The following PAPLN variants were observed in gnomAD, a reference collection of about 807,000 sequenced individuals.
PAPLN encodes papilin.
Under a neutral mutation model 159.0 loss-of-function variants are expected in PAPLN, and 146 were observed. The ratio of observed to expected loss-of-function variants is 0.92; its 90% CI spans 0.80 to 1.05. The LOEUF is 1.05. Ranked by LOEUF, PAPLN falls within the 50% of genes least tolerant of loss-of-function variation. The pLI is 0.00. For missense variants in PAPLN, 1,720 were observed against 1,743.9 expected, an observed-to-expected ratio of 0.99 and a Z score of 0.24; for synonymous variants, 734 against 702.9, an observed-to-expected ratio of 1.04 and a Z score of -0.70.
intron 25 of PAPLN, among the ~76,000 whole-genome samples, chr14:73,267,067 G>A (rs997260650): frequency 6.6e-6 from 1 of 152,190 alleles, no homozygotes; most frequent in Non-Finnish European, 1.5e-5. Flanking sequence ...ACTGCTGACA[G>A]TTTGGAGCTG....
chr14:73,244,601 G>A, intron 2 of PAPLN, 43 bp from the exon 3 acceptor site: 1 of 1,496,762 alleles, frequency 6.7e-7, no homozygotes, highest in South Asian at 1.2e-5. Context: ...CTGGGCTCAG[G>A]CTGTGAGTGG....
chr14:73,264,336 G>A lies in PAPLN; in HGVS notation c.2986+1G>A. 9 of 1,612,926 alleles carry A rather than the reference G, an allele frequency of 5.6e-6. No homozygotes were observed. Among genetic ancestry groups the A allele is most frequent in the Non-Finnish European group, 7.6e-6 (9 of 1,179,404 alleles). ...CAGAAGATCCAACTTCGCATCATAG[G>A]TCTCTGTCCCCACCCCATCCACCAG... On this transcript the variant is annotated splice_donor_variant, in intron 21 of 26. Coordinates refer to ENST00000644200, the MANE Select transcript of PAPLN (RefSeq NM_001365906.3). LOFTEE classifies it high-confidence loss of function.
At chr14:73,255,388 CT>C (rs1885789873) in intron 14 of PAPLN, among the ~76,000 whole-genome samples, 1 of 152,190 alleles carries the variant, frequency 6.6e-6, no homozygotes, top group Non-Finnish European at 1.5e-5. Flanking sequence ...CCATATTCCT[CT>C]TTATACCCCC....
chr14:73,254,819 G>C, intron 13 of PAPLN, 58 bp from the exon 14 acceptor site: 1 of 1,600,576 alleles, frequency 6.2e-7, no homozygotes, highest in South Asian at 1.1e-5. Context: ...TCTCCATGTG[G>C]GTCCCCGCCC....
In PAPLN at chr14:73,272,542, C is replaced by G; in HGVS notation, c.3715C>G (p.Pro1239Ala). Residue 1239 changes from proline to alanine, a missense_variant, in exon 27 of 27, where the codon CCA becomes GCA. Coordinates refer to ENST00000644200, the MANE Select transcript of PAPLN (RefSeq NM_001365906.3). Reference protein sequence around the residue: ...RDPGRDCVDQPELANCDLILQ... With the variant: ...RDPGRDCVDQAELANCDLILQ... ...CCCTGGCAGGGACTGCGTCGACCAG[C>G]CAGAGCTGGCCAACTGTGATTTGAT... 1 of 1,593,804 alleles carries G rather than the reference C, an allele frequency of 6.3e-7. No individual in the cohort carries two copies. Among genetic ancestry groups the G allele is most frequent in the East Asian group, 2.3e-5 (1 of 44,320 alleles).
intron 7 of PAPLN, 150 bp from the exon 8 acceptor site, chr14:73,251,336 A>AG: frequency 1.1e-6 from 1 of 925,270 alleles, no homozygotes; most frequent in East Asian, 2.6e-5. Flanking sequence ...CTCTTCTGCC[A>AG]GGGTTGCCTT....
In PAPLN at chr14:73,262,778, G is replaced by C. The variant is rs1886733455; in HGVS notation, c.2674G>C (p.Gly892Arg). 10 of 1,503,928 alleles carry C rather than the reference G, an allele frequency of 6.6e-6. No individual in the cohort carries two copies. In the East Asian group the frequency reaches 2.3e-4, roughly 35 times the overall value. The allele number at this position is 1,503,928 out of a possible 1,614,324, so 93.2% of individuals were successfully genotyped here. A position where few individuals can be genotyped will look rare whatever the true frequency, so the allele number is the denominator to read the frequency against. ...QELGSRAPGL[G>R]GDAGSPAPPF... ...GCTTGGGTCCAGGGCCCCTGGACTG[G>C]GTGGAGATGCCGGATCACCAGCGCC... The change falls in exon 19 of 27, where the codon GGT becomes CGT. Residue 892 changes from glycine (G) to arginine (R), a missense_variant. Coordinates refer to ENST00000644200, the MANE Select transcript of PAPLN (RefSeq NM_001365906.3).
intron 5 of PAPLN, among the ~76,000 whole-genome samples, chr14:73,247,719 T>C (rs1884612586): frequency 1.5e-5 from 2 of 134,954 alleles, no homozygotes; most frequent in Non-Finnish European, 1.6e-5. Flanking sequence ...CCAGTGGGAG[T>C]CTCATGTCCT....
At chr14:73,269,880 T>C (rs926836978) in intron 26 of PAPLN, among the ~76,000 whole-genome samples, 1 of 152,194 alleles carries the variant, frequency 6.6e-6, no homozygotes, top group African/African-American at 2.4e-5. Context: ...GGCTGCTTCC[T>C]GGCTGCCAGG....
rs758492019 is a variant in PAPLN at position 73,254,596 on chromosome 14, G to A, written c.1386G>A (p.Ala462=). 1.2e-5 allele frequency: 19 copies of A among 1,613,916 alleles called. No individual in the cohort carries two copies. The highest frequency in any genetic ancestry group is 6.7e-5 in the East Asian group (3 of 44,902). The change falls in exon 13 of 27, where the codon GCG becomes GCA. Residue 462 remains alanine, a synonymous_variant. Coordinates refer to ENST00000644200, the MANE Select transcript of PAPLN (RefSeq NM_001365906.3). ...GGGGTTCTTTGCTCCATACCGCAGCGTGCTCCTTGGAAGACCGGCCACCTC... is the reference window on the plus strand; with the variant it reads ...GGGGTTCTTTGCTCCATACCGCAGCATGCTCCTTGGAAGACCGGCCACCTC... The part of the protein sequence containing the change: ...GERGSLLHTA[A]CSLEDRPPLT...
rs752139077 is a variant in PAPLN, at chr14:73,268,728, G to T, written c.3667+5G>T. ...AGGTGAAGGTGGTCTCACCAGGTAGGAAAGGTCTATATCCGGGGATGGGAA... is the reference window on the plus strand; with the variant it reads ...AGGTGAAGGTGGTCTCACCAGGTAGTAAAGGTCTATATCCGGGGATGGGAA... On this transcript the variant is annotated splice_donor_5th_base_variant and intron_variant, in intron 26 of 26. Transcript: ENST00000644200. The T allele has an allele frequency of 6.2e-7, 1 of 1,607,288 alleles. No individual in the cohort carries two copies. Among genetic ancestry groups the T allele is most frequent in the Non-Finnish European group, 8.5e-7 (1 of 1,176,668 alleles).
intron 5 of PAPLN, chr14:73,249,740 T>C (rs1013017426): frequency 8.2e-6 from 2 of 242,762 alleles, no homozygotes; most frequent in Non-Finnish European, 1.6e-5. Context: ...AATGCTGAGG[T>C]AGACTTCTTT....
chr14:73,259,043 G>A lies in PAPLN; in HGVS notation c.1692G>A (p.Gln564=), dbSNP rs1321966073. The change falls in exon 15 of 27, where the codon CAG becomes CAA. Residue 564 remains glutamine (Q), a synonymous_variant. Transcript: ENST00000644200. ...ACCCCTGGATGCCGTTGGGCCCTCA[G>A]GAGTCCCCTGCCTCAGGTGAGAGCC... The part of the protein sequence containing the change: ...ASNPWMPLGP[Q]ESPASDSRGQ... 1 of 1,611,568 alleles carries A rather than the reference G, an allele frequency of 6.2e-7. No homozygotes were observed. Among genetic ancestry groups the A allele is most frequent in the Admixed American group, 1.7e-5 (1 of 59,654 alleles).
chr14:73,260,587 CTCT>C (rs201361173), intron 16 of PAPLN, 119 bp from the exon 17 acceptor site: 21 of 1,256,136 alleles, frequency 1.7e-5, no homozygotes, highest in Admixed American at 1.6e-4. Context: ...GGGACACGTC[CTCT>C]CCCCCCCAGG....
At chr14:73,244,900 G>A in intron 3 of PAPLN, 141 bp downstream of exon 3, 1 of 641,878 alleles carries the variant, frequency 1.6e-6, no homozygotes, top group Non-Finnish European at 2.6e-6. Flanking sequence ...CATTCTGGAA[G>A]CAGCATCAGT....
chr14:73,251,174 A>G, intron 7 of PAPLN, 144 bp downstream of exon 7: 1 of 1,401,188 alleles, frequency 7.1e-7, no homozygotes, highest in Non-Finnish European at 9.6e-7. Context: ...CACATCTGAA[A>G]GGCCCCCTGT....
intron 13 of PAPLN, 86 bp from the exon 14 acceptor site, chr14:73,254,791 G>A (rs1885707742): frequency 6.3e-7 from 1 of 1,591,244 alleles, no homozygotes; most frequent in Non-Finnish European, 8.6e-7. Flanking sequence ...CGCGCCACTG[G>A]GCACCTTCCC....
Position 73,245,006 on chromosome 14 carries a change from C to T in PAPLN, c.170+247C>T, listed in dbSNP as rs755734834. On this transcript the variant is annotated intron_variant, in intron 3 of 26. Coordinates refer to ENST00000644200, the MANE Select transcript of PAPLN (RefSeq NM_001365906.3). This position sits in a 1 kb window ranked among gnomAD's most constrained non-coding sequence, Gnocchi z 4.2. The stretch of plus-strand genomic sequence containing the variant: ...CCCTGGTCTCCAGCTCCTGATGCTG[C>T]ACCGGCCTGCAGTATGGCAGGTGCA... The T allele has an allele frequency of 9.9e-6, 4 of 405,208 alleles. No homozygotes were observed. The highest frequency in any genetic ancestry group is 1.3e-5 in the Non-Finnish European group (3 of 224,596). The allele number at this position is 405,208 out of a possible 1,614,324, so 25.1% of individuals were successfully genotyped here.
In PAPLN at chr14:73,262,578, C is replaced by G; in HGVS notation, c.2474C>G (p.Thr825Arg). The stretch of plus-strand genomic sequence containing the variant: ...GGGGCTTCTGGAAGGAGCACCCACA[C>G]GGATGGTGGCGGCAGCAGTCCTGCA... ...QPGASGRSTH[T>R]DGGGSSPAGE... is the part of the protein sequence containing the mutation. The change falls in exon 19 of 27, where the codon ACG (threonine) becomes AGG (arginine). Residue 825 changes from threonine (T) to arginine (R), a missense_variant. By Grantham distance (71) the Thr-to-Arg change is moderately conservative. Transcript: ENST00000644200. The G allele has an allele frequency of 1.9e-6, 3 of 1,562,440 alleles. No homozygotes were observed. Among genetic ancestry groups the G allele is most frequent in the East Asian group, 4.7e-5 (2 of 42,236 alleles).
Sources: allele counts gnomAD v4.1 joint callset (sites outside exome capture counted in the v4.1 genomes callset), GRCh38; gene constraint gnomAD v4.1.1; non-coding constraint Gnocchi (gnomAD v3.1); transcripts MANE v1.5; gene names NCBI Gene and HGNC (gene_info 2026-07-23, HGNC 2026-07-21).